The following SKAP1 variants were observed in gnomAD, a reference collection of about 807,000 sequenced individuals.
The protein encoded by SKAP1 is src kinase associated phosphoprotein 1, also known as src kinase-associated phosphoprotein 1.
In SKAP1, 44 loss-of-function variants were observed where a neutral mutation model predicts 58.5. That is an observed-to-expected ratio of 0.75 (90% CI 0.59 to 0.97). SKAP1 has a LOEUF of 0.97. Ranked by LOEUF, SKAP1 falls within the 50% of genes least tolerant of loss-of-function variation. The pLI is 0.00. For missense variants in SKAP1, 390 were observed against 435.2 expected (o/e 0.90, Z 0.92); for synonymous variants, 127 against 149.7 (o/e 0.85, Z 1.11).
At chr17:48,319,336 A>G (rs1209307604) in intron 4 of SKAP1, among the ~76,000 whole-genome samples, 3 of 152,266 alleles carry the variant, frequency 2.0e-5, no homozygotes, top group South Asian at 2.1e-4. Context: ...TTAATGTAAA[A>G]GAATAGGGAT....
intron 4 of SKAP1, among the ~76,000 whole-genome samples, chr17:48,234,640 T>C (rs1342845436): frequency 1.3e-5 from 2 of 152,174 alleles, no homozygotes; most frequent in African/African-American, 4.8e-5. Flanking sequence ...TCAGCATCTG[T>C]TATATGTCAG....
chr17:48,342,847 C>T (rs1197517469), intron 4 of SKAP1, among the ~76,000 whole-genome samples: 4 of 151,902 alleles, frequency 2.6e-5, no homozygotes, highest in African/African-American at 9.7e-5. Context: ...TAGCCAGGCG[C>T]GGTGGCCGGC....
intron 9 of SKAP1, among the ~76,000 whole-genome samples, chr17:48,176,961 C>T (rs1206121157): frequency 6.6e-6 from 1 of 152,136 alleles, no homozygotes; most frequent in Non-Finnish European, 1.5e-5. Flanking sequence ...GGAGGATTAG[C>T]AGAACCGTCA....
In SKAP1 at chr17:48,144,091, A is replaced by G. The variant is rs116511914; in HGVS notation, c.979-6754T>C. ...ATGAGAACTGAAATGAGTGAAATCA[A>G]CTCTCTGCCCTTCAAAACAAAAGAG... On this transcript the variant is annotated intron_variant, in intron 11 of 12. Transcript: ENST00000336915. Among the ~76,000 whole-genome samples the G allele has an allele frequency of 3.4e-3, 517 of 152,176 alleles. 4 individuals are homozygous for G. Among genetic ancestry groups the G allele is most frequent in the African/African-American group, 0.012 (482 of 41,508 alleles).
chr17:48,214,883 C>T (rs565539568), intron 4 of SKAP1, among the ~76,000 whole-genome samples: 2 of 147,512 alleles, frequency 1.4e-5, no homozygotes, highest in East Asian at 4.1e-4. Context: ...GATTGCGCCG[C>T]TGCACTCCAG....
intron 11 of SKAP1, among the ~76,000 whole-genome samples, chr17:48,140,758 T>A (rs2063756962): frequency 1.3e-5 from 2 of 149,178 alleles, no homozygotes; most frequent in African/African-American, 4.9e-5. Context: ...ACCTTCTTCT[T>A]CTTTCTTCTT....
chr17:48,182,606 C>A, intron 7 of SKAP1, 149 bp from the exon 8 acceptor site: 1 of 586,618 alleles, frequency 1.7e-6, no homozygotes. Context: ...GAAAAAAGAC[C>A]AAATATTTCA....
chr17:48,342,528 T>C (rs1364697515), intron 4 of SKAP1, among the ~76,000 whole-genome samples: 1 of 152,010 alleles, frequency 6.6e-6, no homozygotes, highest in African/African-American at 2.4e-5. Context: ...AGTCATGACC[T>C]AAACACAATA....
intron 2 of SKAP1, among the ~76,000 whole-genome samples, chr17:48,395,836 C>T (rs1162952796): frequency 6.6e-5 from 10 of 152,244 alleles, no homozygotes; most frequent in Admixed American, 3.9e-4. Flanking sequence ...TGTGCCCTTC[C>T]GAAGGATAAA....
intron 4 of SKAP1, among the ~76,000 whole-genome samples, chr17:48,298,096 T>G (rs2066004899): frequency 6.6e-6 from 1 of 152,198 alleles, no homozygotes; most frequent in Non-Finnish European, 1.5e-5. Flanking sequence ...TCTTTCCAGA[T>G]GTTCCAGCGT....
At chr17:48,409,622 T>G (rs1430269414) in intron 1 of SKAP1, among the ~76,000 whole-genome samples, 2 of 149,554 alleles carry the variant, frequency 1.3e-5, no homozygotes, top group African/African-American at 4.9e-5. Flanking sequence ...GAGCCGAGAT[T>G]GTGCCACTGC....
chr17:48,179,917 A>G (rs1361716785), intron 9 of SKAP1, 137 bp downstream of exon 9: 4 of 773,088 alleles, frequency 5.2e-6, no homozygotes, highest in Non-Finnish European at 8.2e-6. Context: ...ACAATCTCAT[A>G]AAGCGTCCCA....
Position 48,230,965 on chromosome 17 carries a change from C to T in SKAP1, c.281-41465G>A, listed in dbSNP as rs187152671. Among the ~76,000 whole-genome samples, 144 of 152,258 alleles carry T rather than the reference C, an allele frequency of 9.5e-4. 1 individual carries two copies. Among genetic ancestry groups the T allele is most frequent in the African/African-American group, 2.8e-3 (115 of 41,552 alleles). Reference sequence around the variant, plus strand: ...TATTACATATATTATCTCATGTAATCTGCACAGTTTAGGAGGTAGATGTGA... The same window carrying T: ...TATTACATATATTATCTCATGTAATTTGCACAGTTTAGGAGGTAGATGTGA... On this transcript the variant is annotated intron_variant, in intron 4 of 12. Transcript: ENST00000336915.
chr17:48,353,767 G>A (rs913671843), intron 3 of SKAP1, among the ~76,000 whole-genome samples: 3 of 151,752 alleles, frequency 2.0e-5, no homozygotes, highest in Admixed American at 6.6e-5. Context: ...GTGGTGGCAG[G>A]TGCCTGTAAT....
intron 9 of SKAP1, among the ~76,000 whole-genome samples, chr17:48,172,055 G>A (rs2143383618): frequency 6.6e-6 from 1 of 152,216 alleles, no homozygotes; most frequent in East Asian, 1.9e-4. Flanking sequence ...GCAAGACTCT[G>A]TCCTGGGGAA....
chr17:48,442,686 C>T, the SKAP1 span, among the ~76,000 whole-genome samples: 1 of 152,156 alleles, frequency 6.6e-6, no homozygotes, highest in Non-Finnish European at 1.5e-5. Context: ...TCTTCCTCTG[C>T]CAAGTCTAGC....
chr17:48,200,627 C>T lies in SKAP1; in HGVS notation c.281-11127G>A, dbSNP rs1335515890. On this transcript the variant is annotated intron_variant, in intron 4 of 12. Coordinates refer to ENST00000336915, the MANE Select transcript of SKAP1 (RefSeq NM_003726.4). ...TCCTGACCTCTGGTGATCCAGCCAC[C>T]TCAGGCTCCCAAAGTGCTGAGATTA... Among the ~76,000 whole-genome samples the T allele has an allele frequency of 5.9e-5, 9 of 152,246 alleles. No individual in the cohort carries two copies. In the East Asian group the frequency reaches 1.6e-3, roughly 26 times the overall value.
At chr17:48,294,302 C>T (rs1006887798) in intron 4 of SKAP1, 2 of 152,176 alleles carry the variant, frequency 1.3e-5, no homozygotes, top group Admixed American at 6.6e-5. Context: ...ACAGCAACAA[C>T]GCTGATTACA....
intron 4 of SKAP1, among the ~76,000 whole-genome samples, chr17:48,197,623 A>G (rs1222702959): frequency 6.6e-6 from 1 of 152,212 alleles, no homozygotes; most frequent in Non-Finnish European, 1.5e-5. Context: ...TGGGAGGCAG[A>G]GGTTGCAGTG....
Sources: gnomAD v4.1 joint callset for allele counts (sites outside exome capture counted in the v4.1 genomes callset) on GRCh38, gnomAD v4.1.1 for gene constraint, MANE v1.5 for transcripts, NCBI Gene and HGNC (gene_info 2026-07-23, HGNC 2026-07-21) for gene names.